ZNF384: variants seen among roughly 807,000 people sequenced by gnomAD.
ZNF384 encodes the protein CAG repeat protein 1.
Under a neutral mutation model 65.0 loss-of-function variants are expected in ZNF384, and 20 were observed. The ratio of observed to expected loss-of-function variants is 0.31; its 90% CI spans 0.22 to 0.45. ZNF384 has a LOEUF of 0.45. Among genes scored for constraint, ZNF384 ranks in the 20% least tolerant of loss-of-function variants. The probability of loss-of-function intolerance (pLI) is 1.00; values close to 1 mark genes in which losing one functional copy is unlikely to be tolerated. For synonymous variants in ZNF384, 310 were observed against 303.9 expected (o/e 1.02, Z -0.21); for missense variants, 549 against 769.4 (o/e 0.71, Z 3.39).
rs755099681 is a variant in ZNF384, at chr12:6,678,920, GA to G, written c.304+25del. 2.7e-5 allele frequency: 44 copies of G among 1,606,490 alleles called. No individual in the cohort carries two copies. In the East Asian group the frequency reaches 9.8e-4, roughly 36 times the overall value. On this transcript the variant is annotated intron_variant, in intron 4 of 11. Coordinates refer to ENST00000683879, the MANE Select transcript of ZNF384 (RefSeq NM_001385745.1). This position sits in a 1 kb window ranked among gnomAD's most constrained non-coding sequence, Gnocchi z 4.9. The stretch of plus-strand genomic sequence containing the variant: ...CTGATCATGGAAGATCAACACCTCA[GA>G]TTGGAGAAGAGCAGAGTTGCTCACC...
chr12:6,687,554 T>C (rs1344936542), intron 2 of ZNF384, among the ~76,000 whole-genome samples: 1 of 152,224 alleles, frequency 6.6e-6, no homozygotes, highest in Non-Finnish European at 1.5e-5. Flanking sequence ...ACTGTCATTT[T>C]CAGGCTACCC....
intron 7 of ZNF384, among the ~76,000 whole-genome samples, chr12:6,675,330 C>A (rs544842470): frequency 1.3e-5 from 2 of 152,114 alleles, no homozygotes; most frequent in Non-Finnish European, 2.9e-5. Flanking sequence ...AAGTCTTATC[C>A]ATGTTTTTAC....
intron 2 of ZNF384, among the ~76,000 whole-genome samples, chr12:6,681,211 CAAAAAAAAA>C (rs199629450): frequency 1.5e-5 from 1 of 65,368 alleles, no homozygotes; most frequent in African/African-American, 5.5e-5. Flanking sequence ...AACGCCATCT[CAAAAAAAAA>C]AAAAAAAAAC....
chr12:6,672,099 T>C lies in ZNF384; in HGVS notation c.1187+251A>G. 2.3e-6 allele frequency: 1 copy of C among 443,380 alleles called. No homozygotes were observed. The highest frequency in any genetic ancestry group is 6.0e-4 in the Middle Eastern group (1 of 1,670). The allele number at this position is 443,380 out of a possible 1,614,324, so 27.5% of individuals were successfully genotyped here. On this transcript the variant is annotated intron_variant, in intron 9 of 11. Transcript: ENST00000683879. This position sits in a 1 kb window ranked among gnomAD's most constrained non-coding sequence, Gnocchi z 4.4. ...GTTGTTTCTACTCCAGGTACGTGTC[T>C]GTCTCCCATGGATCAGTGAATATCA... is the stretch of plus-strand genomic sequence containing the variant.
In ZNF384 at chr12:6,667,389, T is replaced by A. The variant is rs530578174; in HGVS notation, c.*325A>T. On this transcript the variant is annotated 3_prime_UTR_variant, in exon 12 of 12. Coordinates refer to ENST00000683879, the MANE Select transcript of ZNF384 (RefSeq NM_001385745.1). ...ATAAGGAGGGTAAGGATAGGGTAAG[T>A]GGCCACACTGGACAAGGTTCTATGA... 13 of 488,284 alleles carry A rather than the reference T, an allele frequency of 2.7e-5. No homozygotes were observed. Among genetic ancestry groups the A allele is most frequent in the Non-Finnish European group, 4.1e-5 (11 of 266,014 alleles). 30.2% of individuals were successfully genotyped at this position (488,284 alleles called of 1,614,324 possible). A position where few individuals can be genotyped will look rare whatever the true frequency, so the allele number is the denominator to read the frequency against.
intron 10 of ZNF384, among the ~76,000 whole-genome samples, chr12:6,669,531 A>C: frequency 6.8e-6 from 1 of 146,942 alleles, no homozygotes; most frequent in African/African-American, 2.5e-5. Context: ...GAAGTCTCTC[A>C]CTCTGTCGCT....
Position 6,673,326 on chromosome 12 carries a change from G to A in ZNF384, c.894C>T (p.Asn298=), listed in dbSNP as rs2136648495. 1 of 1,614,098 alleles carries A rather than the reference G, an allele frequency of 6.2e-7. No homozygotes were observed. The highest frequency in any genetic ancestry group is 8.5e-7 in the Non-Finnish European group (1 of 1,180,014). The part of the protein sequence containing the change: ...KCPHCSKTFA[N]SSYLAQHIRI... ...GGATGTGCTGGGCCAGGTAGGAGCTGTTGGCGAAGGTCTTGGAGCAATGTG... is the reference window on the plus strand; with the variant it reads ...GGATGTGCTGGGCCAGGTAGGAGCTATTGGCGAAGGTCTTGGAGCAATGTG... Residue 298 remains asparagine, a synonymous_variant, in exon 8 of 12, where the codon AAC becomes AAT. Coordinates refer to ENST00000683879, the MANE Select transcript of ZNF384 (RefSeq NM_001385745.1). This position sits in a 1 kb window ranked among gnomAD's most constrained non-coding sequence, Gnocchi z 4.7.
chr12:6,684,888 GCTTA>G (rs1341831645), intron 2 of ZNF384, among the ~76,000 whole-genome samples: 1 of 152,084 alleles, frequency 6.6e-6, no homozygotes, highest in Middle Eastern at 3.2e-3. Context: ...TCAAATATCT[GCTTA>G]CTGTCTGTTT....
At chr12:6,670,638 C>T in intron 10 of ZNF384, 122 bp downstream of exon 10, 1 of 917,594 alleles carries the variant, frequency 1.1e-6, no homozygotes, top group East Asian at 2.4e-5. Flanking sequence ...AACAAAAACT[C>T]TTTGGGTCCC....
chr12:6,667,058 C>T lies in ZNF384; in HGVS notation c.*656G>A, dbSNP rs1949949417. 1 of 227,400 alleles carries T rather than the reference C, an allele frequency of 4.4e-6. No homozygotes were observed. The highest frequency in any genetic ancestry group is 2.2e-5 in the African/African-American group (1 of 44,786). The allele number at this position is 227,400 out of a possible 1,614,324, so 14.1% of individuals were successfully genotyped here. The stretch of plus-strand genomic sequence containing the variant: ...AGGAAATCCGTAAAACCATAACACA[C>T]ACTTCTAAGCCACCTGTGACCAACT... On this transcript the variant is annotated 3_prime_UTR_variant, in exon 12 of 12. Coordinates refer to ENST00000683879, the MANE Select transcript of ZNF384 (RefSeq NM_001385745.1).
chr12:6,667,932 GC>G lies in ZNF384; in HGVS notation c.1608del (p.Gln536HisfsTer44), dbSNP rs1950159257. 4 of 1,611,198 alleles carry G rather than the reference GC, an allele frequency of 2.5e-6. No individual in the cohort carries two copies. In the South Asian group the frequency reaches 3.3e-5, roughly 13 times the overall value. On this transcript the variant is annotated frameshift_variant, in exon 12 of 12. Coordinates refer to ENST00000683879, the MANE Select transcript of ZNF384 (RefSeq NM_001385745.1). LOFTEE classifies it high-confidence loss of function. ...QASQASQQQQ[Q>X]QQQQQQQQQQ... ...TGCTGCTGCTGCTGCTGCTGCTGCT[GC>G]TGCTGCTGCTGCTGTGATGCCTGGG...
rs573494596 is a variant in ZNF384, at chr12:6,666,543, TTTC to T, written c.*1168_*1170del. 1 of 162,744 alleles carries T rather than the reference TTTC, an allele frequency of 6.1e-6. No homozygotes were observed. Among genetic ancestry groups the T allele is most frequent in the South Asian group, 2.0e-4 (1 of 4,918 alleles). 10.1% of individuals were successfully genotyped at this position (162,744 alleles called of 1,614,324 possible). On this transcript the variant is annotated 3_prime_UTR_variant, in exon 12 of 12. Transcript: ENST00000683879. The stretch of plus-strand genomic sequence containing the variant: ...ACCCCTTGGTTTGTACATAAGTTTT[TTTC>T]TTTTTTTCTTCATTTTTAAATTACT...
At chr12:6,686,722 A>C (rs1204809336) in intron 2 of ZNF384, among the ~76,000 whole-genome samples, 1 of 152,242 alleles carries the variant, frequency 6.6e-6, no homozygotes, top group African/African-American at 2.4e-5. Flanking sequence ...AAGGCAGCAC[A>C]AAAAAGAGAA....
chr12:6,667,906 C>CTGCTGCTGT lies in ZNF384; in HGVS notation c.1634_1635insACAGCAGCA (p.Gln545_Gln547dup), dbSNP rs1555086167. 4.4e-4 allele frequency: 26 copies of CTGCTGCTGT among 59,622 alleles called. No individual in the cohort carries two copies. The African/African-American group carries it at 9.5e-3, about 22-fold the overall frequency. 3.7% of individuals were successfully genotyped at this position (59,622 alleles called of 1,614,324 possible). ...ACTGGAAGTGTGGTGGTGGCTGTTGCTGCTGCTGCTGCTGCTGCTGCTGCT... is the reference window on the plus strand; with the variant it reads ...ACTGGAAGTGTGGTGGTGGCTGTTGCTGCTGCTGTTGCTGCTGCTGCTGCTGCTGCTGCT... On this transcript the variant is annotated inframe_insertion, in exon 12 of 12. Transcript: ENST00000683879.
At position 6,669,942 on chromosome 12, in the gene ZNF384, GCA is replaced by G. The variant is rs144377238; in HGVS notation, c.1267-755_1267-754del. Among the ~76,000 whole-genome samples, 422 of 139,040 alleles carry G rather than the reference GCA, an allele frequency of 3.0e-3. 1 individual carries two copies. The highest frequency in any genetic ancestry group is 7.4e-3 in the African/African-American group (302 of 40,808). The allele number at this position is 139,040 out of a possible 152,430, so 91.2% of individuals were successfully genotyped here. A position where few individuals can be genotyped will look rare whatever the true frequency, so the allele number is the denominator to read the frequency against. On this transcript the variant is annotated intron_variant, in intron 10 of 11. Transcript: ENST00000683879. Reference sequence around the variant, plus strand: ...GTCTCAAACACGCACACGCGCGCGCGCACACACACACACACACACAAACACAA... The same window carrying G: ...GTCTCAAACACGCACACGCGCGCGCGCACACACACACACACACAAACACAA...
At position 6,672,373 on chromosome 12, in the gene ZNF384, G is replaced by A. The variant is rs1320409249; in HGVS notation, c.1164C>T (p.Leu388=). Reference sequence around the variant, plus strand: ...ACCGTGTGTGCTGCTGGAGGTGGGAGAGCTGGCGGAAGGCCTTCTGGCAGT... The same window carrying A: ...ACCGTGTGTGCTGCTGGAGGTGGGAAAGCTGGCGGAAGGCCTTCTGGCAGT... ...CSYCQKAFRQ[L]SHLQQHTRIH... is the part of the protein sequence containing the mutation. The change falls in exon 9 of 12, where the codon CTC becomes CTT. Residue 388 remains leucine, a synonymous_variant. Coordinates refer to ENST00000683879, the MANE Select transcript of ZNF384 (RefSeq NM_001385745.1). This position sits in a 1 kb window ranked among gnomAD's most constrained non-coding sequence, Gnocchi z 4.4. The A allele has an allele frequency of 6.2e-7, 1 of 1,614,048 alleles. No homozygotes were observed. The highest frequency in any genetic ancestry group is 8.5e-7 in the Non-Finnish European group (1 of 1,179,896).
chr12:6,680,245 G>A (rs963801297), intron 2 of ZNF384, among the ~76,000 whole-genome samples: 10 of 152,148 alleles, frequency 6.6e-5, no homozygotes, highest in Admixed American at 2.6e-4. Context: ...GATTACAGGC[G>A]TGAACCACTG....
intron 7 of ZNF384, among the ~76,000 whole-genome samples, chr12:6,674,927 A>G (rs1177429572): frequency 3.3e-5 from 5 of 152,216 alleles, no homozygotes; most frequent in African/African-American, 1.2e-4. Flanking sequence ...AGCTGGACAC[A>G]TTGTCCCTTG....
At chr12:6,680,318 G>A (rs1002167098) in intron 2 of ZNF384, among the ~76,000 whole-genome samples, 2 of 152,118 alleles carry the variant, frequency 1.3e-5, no homozygotes, top group African/African-American at 4.8e-5. Context: ...TGTAGTTTGA[G>A]AAGGTTCCAG....
Sources: allele counts gnomAD v4.1 joint callset (sites outside exome capture counted in the v4.1 genomes callset), GRCh38; gene constraint gnomAD v4.1.1; non-coding constraint Gnocchi (gnomAD v3.1); transcripts MANE v1.5; gene names NCBI Gene and HGNC (gene_info 2026-07-23, HGNC 2026-07-21).